Variants in ZNF700 observed in about 807,000 individuals in gnomAD.
ZNF700 encodes the protein zinc finger protein 700.
In ZNF700, 38 loss-of-function variants were observed where a neutral mutation model predicts 65.3. The ratio of observed to expected loss-of-function variants is 0.58; its 90% CI spans 0.45 to 0.76. The LOEUF is 0.76. Ranked by LOEUF, ZNF700 falls within the 30% of genes least tolerant of loss-of-function variation. The probability of loss-of-function intolerance (pLI) is 0.00; values close to 1 mark genes in which losing one functional copy is unlikely to be tolerated. For missense variants in ZNF700, 857 were observed against 888.4 expected (o/e 0.96, Z 0.45); for synonymous variants, 285 against 290.4 (o/e 0.98, Z 0.19).
intron 1 of ZNF700, among the ~76,000 whole-genome samples, chr19:11,937,098 C>T (rs972763556): frequency 2.6e-5 from 4 of 152,122 alleles, no homozygotes; most frequent in African/African-American, 7.2e-5. Flanking sequence ...TCCAATTTAT[C>T]GATTTTCTCA....
Position 11,949,083 on chromosome 19 carries a change from A to C in ZNF700, c.1059A>C (p.Ile353=). The C allele has an allele frequency of 6.2e-7, 1 of 1,610,828 alleles. No individual in the cohort carries two copies. Among genetic ancestry groups the C allele is most frequent in the Non-Finnish European group, 8.5e-7 (1 of 1,179,364 alleles). The change falls in exon 4 of 4, where the codon ATA becomes ATC. Residue 353 remains isoleucine (I), a synonymous_variant. Coordinates refer to ENST00000254321, the MANE Select transcript of ZNF700 (RefSeq NM_144566.3). The part of the protein sequence containing the change: ...LSYLISFQTH[I]RMNSGERPYK... ...ATCTTATAAGTTTTCAAACACACAT[A>C]AGAATGAACTCTGGAGAAAGACCTT...
chr19:11,934,985 G>C (rs561934925), intron 1 of ZNF700, among the ~76,000 whole-genome samples: 37 of 146,616 alleles, frequency 2.5e-4, no homozygotes, highest in Middle Eastern at 3.4e-3. Flanking sequence ...AGACCATCCT[G>C]GCTAACACTG....
intron 1 of ZNF700, among the ~76,000 whole-genome samples, chr19:11,943,535 G>T (rs780511881): frequency 6.6e-6 from 1 of 152,036 alleles, no homozygotes; most frequent in Non-Finnish European, 1.5e-5. Flanking sequence ...ACCTAGAAAA[G>T]AACTAGTTTT....
intron 1 of ZNF700, among the ~76,000 whole-genome samples, chr19:11,940,639 A>C (rs1022920723): frequency 1.3e-5 from 2 of 152,180 alleles, no homozygotes; most frequent in Middle Eastern, 3.2e-3. Context: ...TGCAAAGAGC[A>C]AAAGAACAAA....
At chr19:11,947,031 A>G in intron 1 of ZNF700, 150 bp from the exon 2 acceptor site, 1 of 1,284,404 alleles carries the variant, frequency 7.8e-7, no homozygotes, top group Non-Finnish European at 1.0e-6. Flanking sequence ...GAAGAAAGTA[A>G]GTATAGATGG....
At chr19:11,937,378 A>G (rs1017071383) in intron 1 of ZNF700, among the ~76,000 whole-genome samples, 2 of 151,876 alleles carry the variant, frequency 1.3e-5, no homozygotes, top group Admixed American at 6.6e-5. Context: ...GGGTCTCCCT[A>G]TGTTGCCCAG....
At chr19:11,935,296 G>T (rs1218017655) in intron 1 of ZNF700, among the ~76,000 whole-genome samples, 1 of 144,184 alleles carries the variant, frequency 6.9e-6, no homozygotes, top group Non-Finnish European at 1.5e-5. Context: ...GAGTGCAGTG[G>T]TGTAATCTCG....
chr19:11,936,388 C>T (rs932744535), intron 1 of ZNF700, among the ~76,000 whole-genome samples: 100 of 152,190 alleles, frequency 6.6e-4, no homozygotes, highest in African/African-American at 1.8e-3. Context: ...TTCTAACTGG[C>T]GTGAGATGGT....
rs76280721 is a variant in ZNF700, at chr19:11,933,416, G to T, written c.63+8143G>T. On this transcript the variant is annotated intron_variant, in intron 1 of 3. Coordinates refer to ENST00000254321, the MANE Select transcript of ZNF700 (RefSeq NM_144566.3). ...TTTACATGAAACTTCACTCTTTTTG[G>T]GCTGTGGTTTAAGACAACTACGTGT... Among the ~76,000 whole-genome samples, 1,332 of 147,348 alleles carry T rather than the reference G, an allele frequency of 9.0e-3. 221 individuals are homozygous for T. Among genetic ancestry groups the T allele is most frequent in the African/African-American group, 0.035 (1,296 of 37,478 alleles).
intron 3 of ZNF700, among the ~76,000 whole-genome samples, chr19:11,947,787 C>T (rs1272079605): frequency 6.6e-6 from 1 of 152,202 alleles, no homozygotes; most frequent in Admixed American, 6.5e-5. Context: ...AGGAGGATAG[C>T]TTGAGGCCAT....
At chr19:11,935,780 CAT>C (rs532033022) in intron 1 of ZNF700, among the ~76,000 whole-genome samples, 118 of 152,278 alleles carry the variant, frequency 7.7e-4, no homozygotes, top group African/African-American at 2.6e-3. Context: ...ATAGGTATAA[CAT>C]GTGCCGTGTT....
chr19:11,939,582 T>A (rs1331225299), intron 1 of ZNF700, among the ~76,000 whole-genome samples: 3 of 152,214 alleles, frequency 2.0e-5, no homozygotes, highest in Non-Finnish European at 4.4e-5. Flanking sequence ...TCCATTGGTC[T>A]ATATCTCTGT....
chr19:11,934,993 C>A (rs529115563), intron 1 of ZNF700, among the ~76,000 whole-genome samples: 5 of 146,450 alleles, frequency 3.4e-5, no homozygotes, highest in Non-Finnish European at 7.4e-5. Flanking sequence ...CTGGCTAACA[C>A]TGTGAAACCC....
chr19:11,941,233 C>T (rs1972877973), intron 1 of ZNF700, among the ~76,000 whole-genome samples: 1 of 152,266 alleles, frequency 6.6e-6, no homozygotes, highest in African/African-American at 2.4e-5. Flanking sequence ...GATGGCTTCA[C>T]CCAGTGGATC....
chr19:11,948,934 A>G lies in ZNF700; in HGVS notation c.910A>G (p.Lys304Glu), dbSNP rs748171695. 6.2e-7 allele frequency: 1 copy of G among 1,607,598 alleles called. No homozygotes were observed. The highest frequency in any genetic ancestry group is 1.1e-5 in the South Asian group (1 of 89,408). The change falls in exon 4 of 4, where the codon AAG (lysine) becomes GAG (glutamate). Residue 304 changes from lysine (K) to glutamate (E), a missense_variant. This residue lies in a region of ZNF700 where 603 missense variants were observed against 619.9 expected (regional missense o/e 0.97). Coordinates refer to ENST00000254321, the MANE Select transcript of ZNF700 (RefSeq NM_144566.3). ...HRHERSHMGE[K>E]PYQCKECGKA... ...ACATGAAAGAAGTCACATGGGAGAG[A>G]AGCCTTATCAATGCAAAGAATGTGG...
chr19:11,936,532 GTTGT>G (rs1436198609), intron 1 of ZNF700, among the ~76,000 whole-genome samples: 2 of 152,160 alleles, frequency 1.3e-5, no homozygotes, highest in African/African-American at 2.4e-5. Context: ...TTTTGATGGG[GTTGT>G]TTGTTTTTTT....
Position 11,950,102 on chromosome 19 carries a change from T to C in ZNF700, c.2078T>C (p.Ile693Thr), listed in dbSNP as rs761247224. 3.7e-6 allele frequency: 6 copies of C among 1,614,128 alleles called. No homozygotes were observed. Among genetic ancestry groups the C allele is most frequent in the Middle Eastern group, 3.3e-4 (2 of 6,062 alleles). ...TTCACATCTGCCAAGATTCTTCAAATACATGCAAGAACACACATTGGAGAG... is the reference window on the plus strand; with the variant it reads ...TTCACATCTGCCAAGATTCTTCAAACACATGCAAGAACACACATTGGAGAG... ...NGFTSAKILQ[I>T]HARTHIGEKH... is the part of the protein sequence containing the mutation. Residue 693 changes from isoleucine to threonine, a missense_variant, in exon 4 of 4, where the codon ATA becomes ACA. Ile to Thr is a moderately conservative substitution (Grantham distance 89). Transcript: ENST00000254321.
chr19:11,949,038 A>G lies in ZNF700; in HGVS notation c.1014A>G (p.Gln338=), dbSNP rs1165888788. The part of the protein sequence containing the change: ...HSGKKPYECK[Q]YGEGLSYLIS... ...GGAAAAAACCGTATGAATGTAAGCA[A>G]TATGGGGAAGGCTTATCCTATCTTA... Residue 338 remains glutamine (Q), a synonymous_variant, in exon 4 of 4, where the codon CAA becomes CAG. Transcript: ENST00000254321. 32 of 1,607,966 alleles carry G rather than the reference A, an allele frequency of 2.0e-5. No individual in the cohort carries two copies. The highest frequency in any genetic ancestry group is 2.7e-5 in the African/African-American group (2 of 74,380).
chr19:11,946,807 C>T (rs183148447), intron 1 of ZNF700: 7,203 of 166,074 alleles, frequency 0.043, 213 homozygotes, highest in Non-Finnish European at 0.068. Flanking sequence ...ATTTTTCTTT[C>T]GAGACAAGAC....
Sources: gnomAD v4.1 joint callset for allele counts (sites outside exome capture counted in the v4.1 genomes callset) on GRCh38, gnomAD v4.1.1 for gene constraint, gnomAD v4.1.1 regional missense constraint, MANE v1.5 for transcripts, NCBI Gene and HGNC (gene_info 2026-07-23, HGNC 2026-07-21) for gene names.